Variants in CCDC32 observed in about 807,000 individuals in gnomAD.
The protein encoded by CCDC32 is coiled-coil domain containing 32.
In CCDC32, 9 loss-of-function variants were observed where a neutral mutation model predicts 20.1. That is an observed-to-expected ratio of 0.45 (90% CI 0.27 to 0.78). The LOEUF is 0.78. CCDC32 is among the 30% of genes least tolerant of loss of function. The pLI is 0.16. For missense variants in CCDC32, 204 were observed against 215.5 expected (o/e 0.95, Z 0.33); for synonymous variants, 63 against 79.0 (o/e 0.80, Z 1.07).
At chr15:40,522,568 G>A in the CCDC32 span, among the ~76,000 whole-genome samples, 1 of 152,188 alleles carries the variant, frequency 6.6e-6, no homozygotes, top group Non-Finnish European at 1.5e-5. Flanking sequence ...TCTTAACCAT[G>A]TTAAGTCTTC....
chr15:40,562,711 T>C (rs1890729395), intron 2 of CCDC32, 61 bp downstream of exon 2: 20 of 1,545,526 alleles, frequency 1.3e-5, no homozygotes, highest in South Asian at 1.2e-5. Flanking sequence ...CACAAAAGAA[T>C]AGGAAACCAA....
chr15:40,528,232 TCTCCCTCACCACC>T (rs1894924727), downstream of CCDC32, among the ~76,000 whole-genome samples: 1 of 152,180 alleles, frequency 6.6e-6, no homozygotes, highest in African/African-American at 2.4e-5. Flanking sequence ...TGGTCTTCTT[TCTCCCTCACCACC>T]ACCCTCTAAG....
chr15:40,538,128 T>C (rs1468678404), downstream of CCDC32: 1 of 152,210 alleles, frequency 6.6e-6, no homozygotes, highest in East Asian at 1.9e-4. Context: ...TCCAAGGGGA[T>C]TTGGGGACTG....
chr15:40,550,756 C>T (rs1469867946), downstream of CCDC32, among the ~76,000 whole-genome samples: 2 of 152,210 alleles, frequency 1.3e-5, no homozygotes, highest in African/African-American at 4.8e-5. Context: ...TCTCACACCG[C>T]ACCCAGGTTT....
At chr15:40,563,483 T>C (rs1890794810) in intron 1 of CCDC32, among the ~76,000 whole-genome samples, 1 of 151,724 alleles carries the variant, frequency 6.6e-6, no homozygotes, top group South Asian at 2.1e-4. Flanking sequence ...ATACAGAAAA[T>C]AGGATGGTGG....
At chr15:40,551,050 A>G (rs1480814364), downstream of CCDC32, among the ~76,000 whole-genome samples, 1 of 152,050 alleles carries the variant, frequency 6.6e-6, no homozygotes, top group Non-Finnish European at 1.5e-5. Flanking sequence ...TTTGTTTATC[A>G]TGCAGGGAGA....
chr15:40,539,162 C>T (rs186834578), downstream of CCDC32: 107 of 1,280,204 alleles, frequency 8.4e-5, 2 homozygotes, highest in African/African-American at 9.6e-4. Flanking sequence ...CCCCAGCTCC[C>T]GCTCAAACCT....
In CCDC32 at chr15:40,539,880, A is replaced by ACACACACAC. The variant is rs769226221; in HGVS notation, c.402-526_402-525insGTGTGTGTG. Among the ~76,000 whole-genome samples the ACACACACAC allele has an allele frequency of 7.2e-5, 10 of 139,140 alleles. 1 individual carries two copies. In the East Asian group the frequency reaches 1.6e-3, roughly 23 times the overall value. The allele number at this position is 139,140 out of a possible 152,430, so 91.3% of individuals were successfully genotyped here. A position where few individuals can be genotyped will look rare whatever the true frequency, so the allele number is the denominator to read the frequency against. The stretch of plus-strand genomic sequence containing the variant: ...CACACACACACACACACACACACAC[A>ACACACACAC]CCCCGCTCCTTGCCCTTGATTCCAT... On this transcript the variant is annotated intron_variant, in intron 3 of 3. Coordinates refer to the CCDC32 transcript ENST00000558113.
the CCDC32 span, among the ~76,000 whole-genome samples, chr15:40,521,671 A>G: frequency 1.3e-5 from 2 of 152,142 alleles, no homozygotes; most frequent in Non-Finnish European, 2.9e-5. Context: ...CTTTTTGATA[A>G]TAGCCATCCT....
downstream of CCDC32, among the ~76,000 whole-genome samples, chr15:40,533,384 C>G (rs369524233): frequency 1.3e-5 from 2 of 152,096 alleles, no homozygotes; most frequent in South Asian, 4.2e-4. Context: ...GAGTTTCCCT[C>G]TGTTGCCCAG....
At chr15:40,546,072 G>C (rs2141618624) in intron 3 of CCDC32, among the ~76,000 whole-genome samples, 1 of 152,158 alleles carries the variant, frequency 6.6e-6, no homozygotes, top group South Asian at 2.1e-4. Context: ...TTATTGACCA[G>C]TTCAAGTTCA....
chr15:40,541,474 G>A (rs1889392228), intron 3 of CCDC32, among the ~76,000 whole-genome samples: 1 of 152,020 alleles, frequency 6.6e-6, no homozygotes, highest in Admixed American at 6.5e-5. Context: ...CTGGGACTAT[G>A]GGCACACACC....
rs113239155 is a variant in CCDC32 at position 40,557,160 on chromosome 15, A to T, written c.401+56T>A. ...AAATCTACTGCTGGGCTAAAAACAA[A>T]TAGAACAACTACATAAAGGATGATT... On this transcript the variant is annotated intron_variant, in intron 3 of 3. Transcript: ENST00000416810. The T allele has an allele frequency of 1.6e-5, 24 of 1,540,056 alleles. No homozygotes were observed. The African/African-American group carries it at 2.8e-4, about 18-fold the overall frequency.
chr15:40,546,398 A>G (rs1489685413), intron 3 of CCDC32, among the ~76,000 whole-genome samples: 1 of 152,022 alleles, frequency 6.6e-6, no homozygotes, highest in African/African-American at 2.4e-5. Context: ...CATGTTGCCC[A>G]GGCTGGTCTC....
In CCDC32 at chr15:40,562,990, G is replaced by A. The variant is rs202227935; in HGVS notation, c.26C>T (p.Ser9Phe). ...ATCCTGGCCAGATCTTGTGGCTGTA[G>A]AGTCAGCGCTCTCAAACATTTTCAT... Reference protein sequence around the residue: MKMFESADSTATRSGQDLW... With the variant: MKMFESADFTATRSGQDLW... Residue 9 changes from serine to phenylalanine, a missense_variant, in exon 2 of 4, where the codon TCT becomes TTT. Physicochemically the swap from Ser to Phe is radical, Grantham distance 155. Transcript: ENST00000416810. 1 of 1,614,200 alleles carries A rather than the reference G, an allele frequency of 6.2e-7. No individual in the cohort carries two copies. Among genetic ancestry groups the A allele is most frequent in the Non-Finnish European group, 8.5e-7 (1 of 1,180,042 alleles).
At chr15:40,551,067 A>C (rs1199248378), downstream of CCDC32, among the ~76,000 whole-genome samples, 7 of 152,106 alleles carry the variant, frequency 4.6e-5, no homozygotes, top group South Asian at 8.3e-4. Flanking sequence ...GAGAATAAAA[A>C]TTTTAGTTTT....
downstream of CCDC32, among the ~76,000 whole-genome samples, chr15:40,530,510 T>A (rs1888840321): frequency 8.1e-6 from 1 of 123,564 alleles, no homozygotes; most frequent in Non-Finnish European, 1.7e-5. Flanking sequence ...TCTCTGGTTG[T>A]TTAAAAGAGC....
At chr15:40,539,698 T>C (rs1889294083) in intron 3 of CCDC32, among the ~76,000 whole-genome samples, 1 of 152,066 alleles carries the variant, frequency 6.6e-6, no homozygotes. Flanking sequence ...CCTTGCCCAA[T>C]AGGTCTCTCT....
chr15:40,527,601 G>C (rs1446171595), downstream of CCDC32, among the ~76,000 whole-genome samples: 1 of 152,242 alleles, frequency 6.6e-6, no homozygotes, highest in Non-Finnish European at 1.5e-5. Flanking sequence ...TGGATAATGA[G>C]GGCTCTGCTT....
Sources: gnomAD v4.1 joint callset for allele counts (sites outside exome capture counted in the v4.1 genomes callset) on GRCh38, gnomAD v4.1.1 for gene constraint, MANE v1.5 for transcripts, NCBI Gene and HGNC (gene_info 2026-07-23, HGNC 2026-07-21) for gene names.